Variants in DPYSL2 observed in about 807,000 individuals in gnomAD.
DPYSL2 encodes dihydropyrimidinase like 2, also known as dihydropyrimidinase-related protein 2.
DPYSL2 carries 13 observed loss-of-function variants against 69.9 expected under a neutral mutation model. The ratio of observed to expected loss-of-function variants is 0.19; its 90% CI spans 0.12 to 0.30. The LOEUF (loss-of-function observed/expected upper bound fraction) is 0.30. DPYSL2 is among the 10% of genes least tolerant of loss of function. The probability of loss-of-function intolerance (pLI) is 1.00; values close to 1 mark genes in which losing one functional copy is unlikely to be tolerated. For missense variants in DPYSL2, 587 were observed against 918.9 expected (o/e 0.64, Z 4.67); for synonymous variants, 326 against 359.1 (o/e 0.91, Z 1.04).
Position 26,617,904 on chromosome 8 carries a change from A to G in DPYSL2, c.629-6239A>G, listed in dbSNP as rs923310927. On this transcript the variant is annotated intron_variant, in intron 3 of 13. Coordinates refer to ENST00000521913, the MANE Select transcript of DPYSL2 (RefSeq NM_001197293.3). The surrounding 1 kb of genome is among the most constrained non-coding windows in gnomAD (Gnocchi z 4.7). ...GGGTACCAGGTTTCTTTTTTGAGTC[A>G]TGTTCTAAAATTAGATTATTGCAAT... Among the ~76,000 whole-genome samples the G allele has an allele frequency of 6.6e-6, 1 of 152,110 alleles. No homozygotes were observed. Among genetic ancestry groups the G allele is most frequent in the Non-Finnish European group, 1.5e-5 (1 of 68,018 alleles).
At chr8:26,567,568 A>G (rs1801172584) in intron 1 of DPYSL2, among the ~76,000 whole-genome samples, 1 of 152,240 alleles carries the variant, frequency 6.6e-6, no homozygotes, top group East Asian at 1.9e-4. Context: ...ATAGTCCAGG[A>G]GACTGTTTTG....
rs537367909 is a variant in DPYSL2 at position 26,654,434 on chromosome 8, C to T, written c.1942+1037C>T. 1.2e-4 allele frequency among the ~76,000 whole-genome samples: 18 copies of T among 151,978 alleles called. No individual in the cohort carries two copies. Among genetic ancestry groups the T allele is most frequent in the African/African-American group, 3.9e-4 (16 of 41,454 alleles). ...TGTTAAACCAGAGAGAATTTTTTTT[C>T]TTGGTGGTTGTATGGGTTTTTAGAA... is the stretch of plus-strand genomic sequence containing the variant. On this transcript the variant is annotated intron_variant, in intron 13 of 13. Transcript: ENST00000521913. This position sits in a 1 kb window ranked among gnomAD's most constrained non-coding sequence, Gnocchi z 5.0.
intron 3 of DPYSL2, among the ~76,000 whole-genome samples, chr8:26,611,520 C>G (rs73226178): frequency 0.038 from 5,833 of 152,270 alleles, 170 homozygotes; most frequent in Non-Finnish European, 0.059. Flanking sequence ...TTACTGGAAG[C>G]CAAGTTCGTG....
chr8:26,545,636 A>G (rs1800754681), intron 1 of DPYSL2, among the ~76,000 whole-genome samples: 1 of 152,026 alleles, frequency 6.6e-6, no homozygotes, highest in African/African-American at 2.4e-5. Flanking sequence ...GCATGGTGGC[A>G]TGCACCTGTG....
At chr8:26,524,941 C>T (rs1036025643) in intron 1 of DPYSL2, among the ~76,000 whole-genome samples, 12 of 148,442 alleles carry the variant, frequency 8.1e-5, no homozygotes, top group African/African-American at 5.0e-5. Flanking sequence ...TATTGTTTGA[C>T]GGTTTTCCTA....
chr8:26,535,535 G>A (rs1800576872), intron 1 of DPYSL2, among the ~76,000 whole-genome samples: 1 of 151,516 alleles, frequency 6.6e-6, no homozygotes, highest in Non-Finnish European at 1.5e-5. Context: ...TTCATTTCAC[G>A]GAACGTAAGT....
At chr8:26,603,265 C>A (rs544216233) in intron 3 of DPYSL2, among the ~76,000 whole-genome samples, 1 of 152,106 alleles carries the variant, frequency 6.6e-6, no homozygotes, top group Non-Finnish European at 1.5e-5. Context: ...CTCCACCTCC[C>A]GGGTTCAAGC....
At position 26,583,748 on chromosome 8, in the gene DPYSL2, T is replaced by C. The variant is rs369421088; in HGVS notation, c.444-51T>C. Reference sequence around the variant, plus strand: ...TAGTGAAAGTAGCTGTCAGATCCCATTTGAGTCCACATTTCATTTACAACC... The same window carrying C: ...TAGTGAAAGTAGCTGTCAGATCCCACTTGAGTCCACATTTCATTTACAACC... On this transcript the variant is annotated intron_variant, in intron 2 of 13. Transcript: ENST00000521913. 603 of 1,533,660 alleles carry C rather than the reference T, an allele frequency of 3.9e-4. 2 individuals are homozygous for C. The highest frequency in any genetic ancestry group is 5.4e-4 in the Admixed American group (29 of 54,118).
chr8:26,525,089 A>C (rs1437515176), intron 1 of DPYSL2, among the ~76,000 whole-genome samples: 3 of 152,144 alleles, frequency 2.0e-5, no homozygotes, highest in Non-Finnish European at 4.4e-5. Context: ...TGCAAATTTA[A>C]AATTTACAAA....
chr8:26,525,295 A>G (rs766883441), intron 1 of DPYSL2, among the ~76,000 whole-genome samples: 2 of 152,144 alleles, frequency 1.3e-5, no homozygotes, highest in African/African-American at 2.4e-5. Context: ...TCATAAGTTC[A>G]CTGCAGCCTC....
Position 26,617,353 on chromosome 8 carries a change from AGT to A in DPYSL2, c.629-6786_629-6785del, listed in dbSNP as rs1268383445. 2.0e-5 allele frequency among the ~76,000 whole-genome samples: 3 copies of A among 152,128 alleles called. No homozygotes were observed. Among genetic ancestry groups the A allele is most frequent in the Non-Finnish European group, 1.5e-5 (1 of 68,028 alleles). The stretch of plus-strand genomic sequence containing the variant: ...CATAATAATAATAATAAAATTAGAC[AGT>A]GTGGTGGCGCACGCCTGTGGTCCTA... On this transcript the variant is annotated intron_variant, in intron 3 of 13. Transcript: ENST00000521913. This position sits in a 1 kb window ranked among gnomAD's most constrained non-coding sequence, Gnocchi z 4.7.
At chr8:26,637,152 G>A (rs146719233) in intron 8 of DPYSL2, among the ~76,000 whole-genome samples, 5 of 152,274 alleles carry the variant, frequency 3.3e-5, no homozygotes, top group Non-Finnish European at 7.4e-5. Flanking sequence ...GTCCAAATGT[G>A]CCCACACCAT....
chr8:26,556,272 ATAGTATT>A (rs1563385293), intron 1 of DPYSL2, among the ~76,000 whole-genome samples: 3 of 15,256 alleles, frequency 2.0e-4, no homozygotes, highest in Admixed American at 1.7e-3. Context: ...TATAGTATAT[ATAGTATT>A]TATATAATAT....
rs1227700306 is a variant in DPYSL2 at position 26,582,109 on chromosome 8, C to G, written c.443+52C>G. 3.5e-6 allele frequency: 5 copies of G among 1,440,998 alleles called. No homozygotes were observed. The Admixed American group carries it at 8.4e-5, about 24-fold the overall frequency. The allele number at this position is 1,440,998 out of a possible 1,614,324, so 89.3% of individuals were successfully genotyped here. The stretch of plus-strand genomic sequence containing the variant: ...GTATTTGAACACTTTCCAGACTTCC[C>G]AAGTATTAGATACCATTCGCATCCA... On this transcript the variant is annotated intron_variant, in intron 2 of 13. Transcript: ENST00000521913. The surrounding 1 kb of genome is among the most constrained non-coding windows in gnomAD (Gnocchi z 4.1).
rs146640489 is a variant in DPYSL2 at position 26,648,983 on chromosome 8, A to C, written c.1596+1183A>C. On this transcript the variant is annotated intron_variant, in intron 11 of 13. Coordinates refer to ENST00000521913, the MANE Select transcript of DPYSL2 (RefSeq NM_001197293.3). The surrounding 1 kb of genome is among the most constrained non-coding windows in gnomAD (Gnocchi z 4.3). ...CTTATGATCGCGCCCCTTACAGCCC[A>C]GATCATGACTTCTTGGGTGTCCTGA... is the stretch of plus-strand genomic sequence containing the variant. Among the ~76,000 whole-genome samples, 1,067 of 152,346 alleles carry C rather than the reference A, an allele frequency of 7.0e-3. 9 individuals carry two copies. The highest frequency in any genetic ancestry group is 0.024 in the African/African-American group (996 of 41,584).
At chr8:26,535,421 T>C (rs1357181443) in intron 1 of DPYSL2, among the ~76,000 whole-genome samples, 1 of 152,082 alleles carries the variant, frequency 6.6e-6, no homozygotes, top group African/African-American at 2.4e-5. Context: ...ATATAAAGTT[T>C]TGGAGCACGG....
At chr8:26,607,969 C>G (rs1802142686) in intron 3 of DPYSL2, among the ~76,000 whole-genome samples, 1 of 149,590 alleles carries the variant, frequency 6.7e-6, no homozygotes, top group African/African-American at 2.5e-5. Context: ...CCTAGCTACT[C>G]AAGAGGCTGA....
chr8:26,633,002 A>G (rs1180337677), intron 7 of DPYSL2, among the ~76,000 whole-genome samples: 1 of 152,246 alleles, frequency 6.6e-6, no homozygotes, highest in Non-Finnish European at 1.5e-5. Flanking sequence ...AGTTAATGCA[A>G]TTACAGAATT....
chr8:26,651,692 A>G (rs1374088874), intron 11 of DPYSL2, among the ~76,000 whole-genome samples: 1 of 152,240 alleles, frequency 6.6e-6, no homozygotes, highest in African/African-American at 2.4e-5. Flanking sequence ...TGAAACCAGA[A>G]GGATAGCTAC....
Sources: allele counts gnomAD v4.1 joint callset (sites outside exome capture counted in the v4.1 genomes callset), GRCh38; gene constraint gnomAD v4.1.1; non-coding constraint Gnocchi (gnomAD v3.1); transcripts MANE v1.5; gene names NCBI Gene and HGNC (gene_info 2026-07-23, HGNC 2026-07-21).